EPHA3: variants seen among roughly 807,000 people sequenced by gnomAD.
EPHA3 encodes the protein EPH receptor A3, also known as ephrin type-A receptor 3.
In EPHA3, 42 loss-of-function variants were observed where a neutral mutation model predicts 107.1. That is an observed-to-expected ratio of 0.39 (90% CI 0.31 to 0.51). The LOEUF (loss-of-function observed/expected upper bound fraction) is 0.51. EPHA3 is among the 20% of genes least tolerant of loss of function. The pLI, the probability that EPHA3 is intolerant of heterozygous loss-of-function variation, is 0.78. For missense variants in EPHA3, 1,183 were observed against 1,211.2 expected (o/e 0.98, Z 0.35); for synonymous variants, 461 against 424.8 (o/e 1.09, Z -1.05).
chr3:89,233,177 A>G (rs1163793065), intron 3 of EPHA3, among the ~76,000 whole-genome samples: 1 of 152,180 alleles, frequency 6.6e-6, no homozygotes, highest in African/African-American at 2.4e-5. Flanking sequence ...ATATATATAC[A>G]CGCACATATA....
intron 9 of EPHA3, among the ~76,000 whole-genome samples, chr3:89,410,429 A>G (rs1559685798): frequency 6.6e-6 from 1 of 152,044 alleles, no homozygotes; most frequent in Non-Finnish European, 1.5e-5. Context: ...TGTTCCTAAC[A>G]ACTCATTTTA....
chr3:89,132,351 G>C (rs551925643), intron 2 of EPHA3, among the ~76,000 whole-genome samples: 1 of 152,212 alleles, frequency 6.6e-6, no homozygotes, highest in Non-Finnish European at 1.5e-5. Context: ...TTACAGGATA[G>C]AATGTTTTAT....
chr3:89,385,918 C>G (rs1039366842), intron 5 of EPHA3, among the ~76,000 whole-genome samples: 1 of 152,098 alleles, frequency 6.6e-6, no homozygotes, highest in Admixed American at 6.6e-5. Context: ...CTGAGGTGGT[C>G]TCAGATGGAG....
intron 5 of EPHA3, among the ~76,000 whole-genome samples, chr3:89,380,771 C>CTTT (rs11294288): frequency 3.0e-5 from 4 of 135,542 alleles, no homozygotes; most frequent in African/African-American, 1.1e-4. Context: ...TAGGTAGTAG[C>CTTT]TTTTTTTTTT....
chr3:89,180,948 A>G (rs1559588446), intron 2 of EPHA3, among the ~76,000 whole-genome samples: 2 of 151,992 alleles, frequency 1.3e-5, no homozygotes, highest in Admixed American at 6.6e-5. Context: ...CTTTTGGACA[A>G]GATGTTGATA....
chr3:89,250,540 T>C (rs1705138058), intron 3 of EPHA3, among the ~76,000 whole-genome samples: 1 of 152,184 alleles, frequency 6.6e-6, no homozygotes, highest in African/African-American at 2.4e-5. Context: ...ATATACCAAA[T>C]TCTTAAACTT....
intron 7 of EPHA3, among the ~76,000 whole-genome samples, chr3:89,401,037 C>G (rs1413215380): frequency 6.6e-6 from 1 of 152,054 alleles, no homozygotes; most frequent in Non-Finnish European, 1.5e-5. Flanking sequence ...TAGTTAGTTC[C>G]TGACATAAAA....
intron 3 of EPHA3, among the ~76,000 whole-genome samples, 155 bp from the exon 4 acceptor site, chr3:89,340,761 T>C (rs186445840): frequency 6.6e-6 from 1 of 152,354 alleles, no homozygotes; most frequent in Non-Finnish European, 1.5e-5. Context: ...GTAGAAAAAC[T>C]ACAGTAGGCT....
At chr3:89,276,413 G>T (rs1360946454) in intron 3 of EPHA3, among the ~76,000 whole-genome samples, 2 of 152,056 alleles carry the variant, frequency 1.3e-5, no homozygotes, top group African/African-American at 4.8e-5. Context: ...TTTTGATTGA[G>T]TAGGAAGGAA....
chr3:89,301,979 A>C (rs189912418), intron 3 of EPHA3, among the ~76,000 whole-genome samples: 1 of 152,290 alleles, frequency 6.6e-6, no homozygotes, highest in East Asian at 1.9e-4. Flanking sequence ...AAATAAAATA[A>C]AATGTGGCTA....
intron 3 of EPHA3, among the ~76,000 whole-genome samples, chr3:89,296,577 T>C (rs1325484957): frequency 6.6e-6 from 1 of 152,198 alleles, no homozygotes; most frequent in Non-Finnish European, 1.5e-5. Flanking sequence ...GTTCCATTTG[T>C]AGAGCACAGG....
intron 5 of EPHA3, among the ~76,000 whole-genome samples, chr3:89,364,353 C>A (rs1392541486): frequency 6.6e-6 from 1 of 151,016 alleles, no homozygotes; most frequent in Non-Finnish European, 1.5e-5. Context: ...CCAAGCCAAT[C>A]CTACAGATGC....
intron 1 of EPHA3, among the ~76,000 whole-genome samples, chr3:89,108,972 T>A (rs1232701348): frequency 6.6e-6 from 1 of 151,018 alleles, no homozygotes; most frequent in Non-Finnish European, 1.5e-5. Context: ...GAAAATATAT[T>A]GTCAAGCCAA....
intron 2 of EPHA3, among the ~76,000 whole-genome samples, chr3:89,185,070 G>C (rs1705532116): frequency 6.6e-6 from 1 of 152,040 alleles, no homozygotes; most frequent in South Asian, 2.1e-4. Context: ...TGTGTGGGCT[G>C]TGAAGGTAGT....
intron 2 of EPHA3, among the ~76,000 whole-genome samples, chr3:89,208,020 C>G (rs1378713349): frequency 6.6e-6 from 1 of 152,012 alleles, no homozygotes; most frequent in East Asian, 1.9e-4. Flanking sequence ...TTAAGATTGT[C>G]AGGGTTATGG....
At chr3:89,157,619 G>A (rs1310320633) in intron 2 of EPHA3, among the ~76,000 whole-genome samples, 1 of 151,924 alleles carries the variant, frequency 6.6e-6, no homozygotes, top group Admixed American at 6.6e-5. Context: ...GGGTAACCTT[G>A]CGGGGATAAA....
chr3:89,397,722 G>T (rs186144216), intron 6 of EPHA3, among the ~76,000 whole-genome samples: 1,715 of 151,996 alleles, frequency 0.011, 36 homozygotes, highest in African/African-American at 0.039. Context: ...TAGCTGGGAT[G>T]ATAGGCATGC....
intron 3 of EPHA3, among the ~76,000 whole-genome samples, chr3:89,286,951 T>C (rs1330583526): frequency 6.6e-6 from 1 of 152,158 alleles, no homozygotes; most frequent in East Asian, 1.9e-4. Context: ...AAATACCTTA[T>C]TTTTTAGACT....
Position 89,164,766 on chromosome 3 carries a change from T to C in EPHA3, c.153+37493T>C, listed in dbSNP as rs76849918. On this transcript the variant is annotated intron_variant, in intron 2 of 16. Coordinates refer to ENST00000336596, the MANE Select transcript of EPHA3 (RefSeq NM_005233.6). ...CTAGAGAGCATACAATTAGTGTTAA[T>C]AGAATGTGTGCTGGTAGGATAATGC... Among the ~76,000 whole-genome samples the C allele has an allele frequency of 1.4e-3, 214 of 152,310 alleles. 1 individual carries two copies. Among genetic ancestry groups the C allele is most frequent in the African/African-American group, 4.8e-3 (200 of 41,582 alleles).
Sources: gnomAD v4.1 joint callset for allele counts (sites outside exome capture counted in the v4.1 genomes callset) on GRCh38, gnomAD v4.1.1 for gene constraint, MANE v1.5 for transcripts, NCBI Gene and HGNC (gene_info 2026-07-23, HGNC 2026-07-21) for gene names.